The following CDH13 variants were observed in gnomAD, a reference collection of about 807,000 sequenced individuals.
The protein encoded by CDH13 is cadherin 13.
CDH13 carries 24 observed loss-of-function variants against 63.8 expected under a neutral mutation model. The ratio of observed to expected loss-of-function variants is 0.38; its 90% CI spans 0.27 to 0.53. The LOEUF (loss-of-function observed/expected upper bound fraction) is 0.53. CDH13 is among the 20% of genes least tolerant of loss of function. The pLI, the probability that CDH13 is intolerant of heterozygous loss-of-function variation, is 0.85. For missense variants in CDH13, 1,049 were observed against 903.1 expected, an observed-to-expected ratio of 1.16 and a Z score of -2.07; for synonymous variants, 503 against 355.3, an observed-to-expected ratio of 1.42 and a Z score of -4.67.
At chr16:83,567,994 A>C (rs546607965) in intron 7 of CDH13, among the ~76,000 whole-genome samples, 2 of 152,290 alleles carry the variant, frequency 1.3e-5, no homozygotes, top group African/African-American at 4.8e-5. Flanking sequence ...TCACTTGGGG[A>C]ATCAGCAGCA....
chr16:83,592,519 C>T (rs971442251), intron 7 of CDH13, among the ~76,000 whole-genome samples: 9 of 152,278 alleles, frequency 5.9e-5, no homozygotes, highest in South Asian at 4.1e-4. Flanking sequence ...GTTCTAGGAA[C>T]GCCATTGGCA....
intron 4 of CDH13, among the ~76,000 whole-genome samples, chr16:83,143,818 C>T (rs375407198): frequency 7.2e-5 from 11 of 152,058 alleles, no homozygotes; most frequent in African/African-American, 1.4e-4. Context: ...TCCTCTTTGC[C>T]GTTCCTCTGC....
chr16:83,113,096 C>G (rs1021093749), intron 3 of CDH13, among the ~76,000 whole-genome samples: 4 of 152,168 alleles, frequency 2.6e-5, no homozygotes, highest in African/African-American at 9.7e-5. Flanking sequence ...GGGAGGACTT[C>G]CATGCAACTC....
At chr16:82,708,765 C>A (rs537593263) in intron 1 of CDH13, among the ~76,000 whole-genome samples, 6 of 152,304 alleles carry the variant, frequency 3.9e-5, no homozygotes, top group African/African-American at 1.4e-4. Flanking sequence ...AATGGAGAAG[C>A]TGTCAGTTTT....
intron 5 of CDH13, among the ~76,000 whole-genome samples, chr16:83,272,719 G>T (rs1325702589): frequency 6.6e-6 from 1 of 152,126 alleles, no homozygotes; most frequent in East Asian, 1.9e-4. Flanking sequence ...AATTCATGGG[G>T]ATTGGGCTGG....
In CDH13 at chr16:83,077,892, A is replaced by T. The variant is rs911640222; in HGVS notation, c.366+45674A>T. Among the ~76,000 whole-genome samples, 7 of 152,198 alleles carry T rather than the reference A, an allele frequency of 4.6e-5. No individual in the cohort carries two copies. In the East Asian group the frequency reaches 1.2e-3, roughly 25 times the overall value. Reference sequence around the variant, plus strand: ...GTTACTGATCTTTTTAATTTTAGCGATTCTGGTGAGTGTGTAGTGGCATCC... The same window carrying T: ...GTTACTGATCTTTTTAATTTTAGCGTTTCTGGTGAGTGTGTAGTGGCATCC... On this transcript the variant is annotated intron_variant, in intron 3 of 13. Transcript: ENST00000567109.
chr16:82,849,807 C>T (rs1178058729), intron 1 of CDH13, among the ~76,000 whole-genome samples: 1 of 152,180 alleles, frequency 6.6e-6, no homozygotes, highest in African/African-American at 2.4e-5. Flanking sequence ...AAGAATTGTG[C>T]TGAATCTACT....
At chr16:82,907,616 C>A (rs546021855) in intron 2 of CDH13, among the ~76,000 whole-genome samples, 1 of 152,300 alleles carries the variant, frequency 6.6e-6, no homozygotes, top group South Asian at 2.1e-4. Flanking sequence ...ACAGAAAATT[C>A]ATGGTGAGGC....
intron 10 of CDH13, among the ~76,000 whole-genome samples, chr16:83,725,017 C>G (rs571594610): frequency 2.6e-5 from 4 of 152,194 alleles, no homozygotes; most frequent in Admixed American, 6.5e-5. Flanking sequence ...CATATGGCCT[C>G]TGTCATCCAG....
chr16:83,154,396 A>G (rs2037119523), intron 4 of CDH13, among the ~76,000 whole-genome samples: 1 of 151,968 alleles, frequency 6.6e-6, no homozygotes, highest in Non-Finnish European at 1.5e-5. Flanking sequence ...CTCTACTAAA[A>G]ATACAAAAAA....
intron 11 of CDH13, among the ~76,000 whole-genome samples, chr16:83,762,441 G>A (rs1914051597): frequency 6.6e-6 from 1 of 152,162 alleles, no homozygotes; most frequent in African/African-American, 2.4e-5. Context: ...ATTCGGGAAT[G>A]CAATAAAATG....
At chr16:83,234,141 A>C (rs538980569) in intron 5 of CDH13, among the ~76,000 whole-genome samples, 3 of 152,324 alleles carry the variant, frequency 2.0e-5, no homozygotes, top group African/African-American at 7.2e-5. Context: ...TCTTGCTCTG[A>C]AAGCTCATAG....
At position 82,833,018 on chromosome 16, in the gene CDH13, C is replaced by T. The variant is rs143557704; in HGVS notation, c.46-25344C>T. ...TATGTGAGTGAGCTGCAAAAATATG[C>T]CACAAAATTCCCATCTTACAGTTAT... On this transcript the variant is annotated intron_variant, in intron 1 of 13. Coordinates refer to ENST00000567109, the MANE Select transcript of CDH13 (RefSeq NM_001257.5). Among the ~76,000 whole-genome samples, 304 of 152,230 alleles carry T rather than the reference C, an allele frequency of 2.0e-3. 2 individuals carry two copies. The highest frequency in any genetic ancestry group is 6.9e-3 in the African/African-American group (288 of 41,536).
intron 3 of CDH13, among the ~76,000 whole-genome samples, chr16:83,090,237 C>A (rs984645362): frequency 1.3e-5 from 2 of 152,114 alleles, no homozygotes; most frequent in Admixed American, 1.3e-4. Context: ...CAGCATGTTC[C>A]CTGGTTCAGA....
intron 1 of CDH13, among the ~76,000 whole-genome samples, chr16:82,759,124 A>G (rs1224402960): frequency 1.3e-5 from 2 of 152,208 alleles, no homozygotes; most frequent in Non-Finnish European, 1.5e-5. Context: ...GTTGAGAGTC[A>G]GTGGATAAAT....
chr16:83,328,599 G>A (rs1358726186), intron 5 of CDH13, among the ~76,000 whole-genome samples: 2 of 152,184 alleles, frequency 1.3e-5, no homozygotes. Flanking sequence ...ACTAAGCTGG[G>A]TAAGAGATGG....
At chr16:83,232,059 G>A (rs1047113179) in intron 5 of CDH13, among the ~76,000 whole-genome samples, 2 of 151,990 alleles carry the variant, frequency 1.3e-5, no homozygotes, top group Admixed American at 6.6e-5. Context: ...GAGGGTAGAG[G>A]GTAGGAGAAG....
intron 3 of CDH13, among the ~76,000 whole-genome samples, chr16:83,057,084 A>C (rs1362881371): frequency 6.6e-6 from 1 of 152,124 alleles, no homozygotes; most frequent in Non-Finnish European, 1.5e-5. Context: ...CTCCTGCCTC[A>C]GCCTCCTAAG....
intron 8 of CDH13, among the ~76,000 whole-genome samples, chr16:83,658,735 C>T (rs1294722359): frequency 1.3e-5 from 2 of 149,352 alleles, no homozygotes; most frequent in African/African-American, 2.5e-5. Context: ...TCCTCACCAC[C>T]AGGTCCCATG....
Sources: allele counts gnomAD v4.1 joint callset (sites outside exome capture counted in the v4.1 genomes callset), GRCh38; gene constraint gnomAD v4.1.1; transcripts MANE v1.5; gene names NCBI Gene and HGNC (gene_info 2026-07-23, HGNC 2026-07-21).